The following MYRIP variants were observed in gnomAD, a reference collection of about 807,000 sequenced individuals.
The protein encoded by MYRIP is myosin VIIA and Rab interacting protein.
In MYRIP, 49 loss-of-function variants were observed where a neutral mutation model predicts 98.0. That is an observed-to-expected ratio of 0.50 (90% CI 0.40 to 0.63). The LOEUF (loss-of-function observed/expected upper bound fraction) is 0.63. Among genes scored for constraint, MYRIP ranks in the 30% least tolerant of loss-of-function variants. The pLI, the probability that MYRIP is intolerant of heterozygous loss-of-function variation, is 0.00. For missense variants in MYRIP, 1,004 were observed against 1,058.2 expected, an observed-to-expected ratio of 0.95 and a Z score of 0.71; for synonymous variants, 404 against 409.5, an observed-to-expected ratio of 0.99 and a Z score of 0.16.
intron 1 of MYRIP, among the ~76,000 whole-genome samples, chr3:39,852,762 C>CCTCTT (rs112770284): frequency 2.6e-5 from 4 of 151,928 alleles, no homozygotes; most frequent in Middle Eastern, 3.4e-3. Context: ...CTTCTGTTCT[C>CCTCTT]CTCTTCTCTT....
rs146140750 is a variant in MYRIP, at chr3:39,958,203, A to G, written c.110+57277A>G. On this transcript the variant is annotated intron_variant, in intron 2 of 16. Coordinates refer to ENST00000302541, the MANE Select transcript of MYRIP (RefSeq NM_015460.4). ...CTTTAAAGTTCATACGGAACCAAAA[A>G]AGAACCCGCATTGCCAAGTCAATCC... 9.7e-4 allele frequency among the ~76,000 whole-genome samples: 148 copies of G among 152,320 alleles called. No homozygotes were observed. In the East Asian group the frequency reaches 0.027, roughly 28 times the overall value.
chr3:40,033,433 AAC>A (rs1328316498), intron 2 of MYRIP, among the ~76,000 whole-genome samples: 3 of 152,080 alleles, frequency 2.0e-5, no homozygotes, highest in African/African-American at 4.8e-5. Context: ...ATAACAGACA[AAC>A]AGAGACCCAA....
At chr3:39,877,170 C>T (rs955297711) in intron 1 of MYRIP, among the ~76,000 whole-genome samples, 12 of 152,168 alleles carry the variant, frequency 7.9e-5, no homozygotes, top group South Asian at 6.2e-4. Context: ...ACATAGTTCT[C>T]GAGCCTTGGT....
intron 2 of MYRIP, among the ~76,000 whole-genome samples, chr3:39,919,723 T>TGAGAGA (rs1461895990): frequency 1.4e-5 from 2 of 146,710 alleles, no homozygotes; most frequent in Non-Finnish European, 1.5e-5. Flanking sequence ...TGTGTGTGTG[T>TGAGAGA]GTGTGAGAGA....
rs542459654 is a variant in MYRIP, at chr3:39,932,141, G to A, written c.110+31215G>A. ...TCATTAGCCCTCCACTGAAAGCCAGGCATTCCAGAAGAGTGTATCACAAGA... is the reference window on the plus strand; with the variant it reads ...TCATTAGCCCTCCACTGAAAGCCAGACATTCCAGAAGAGTGTATCACAAGA... On this transcript the variant is annotated intron_variant, in intron 2 of 16. Transcript: ENST00000302541. 1.6e-4 allele frequency among the ~76,000 whole-genome samples: 25 copies of A among 152,268 alleles called. No homozygotes were observed. In the East Asian group the frequency reaches 4.2e-3, roughly 26 times the overall value.
rs534852258 is a variant in MYRIP at position 39,976,392 on chromosome 3, A to G, written c.111-67658A>G. 1.5e-3 allele frequency among the ~76,000 whole-genome samples: 226 copies of G among 152,336 alleles called. 1 individual carries two copies. The highest frequency in any genetic ancestry group is 5.3e-3 in the African/African-American group (220 of 41,578). ...ATGGCGATCATTAAAGAGTCAGGAA[A>G]CAACAGGTGCTGGAGAGGATATGGA... On this transcript the variant is annotated intron_variant, in intron 2 of 16. Transcript: ENST00000302541.
At chr3:39,971,695 A>G (rs1304765451) in intron 2 of MYRIP, among the ~76,000 whole-genome samples, 4 of 152,054 alleles carry the variant, frequency 2.6e-5, no homozygotes, top group Non-Finnish European at 5.9e-5. Flanking sequence ...TCACCTCATT[A>G]TTCAGCCTTG....
In MYRIP at chr3:40,204,240, T is replaced by A. The variant is rs1309078411; in HGVS notation, c.1666-5614T>A. Among the ~76,000 whole-genome samples, 25 of 81,358 alleles carry A rather than the reference T, an allele frequency of 3.1e-4. 1 individual carries two copies. Among genetic ancestry groups the A allele is most frequent in the South Asian group, 1.8e-3 (5 of 2,764 alleles). 53.4% of individuals were successfully genotyped at this position (81,358 alleles called of 152,430 possible). A position where few individuals can be genotyped will look rare whatever the true frequency, so the allele number is the denominator to read the frequency against. ...TTATATATAAATATATATATATTTT[T>A]TTTTTTTGAGACAGAGTCTCACTCT... On this transcript the variant is annotated intron_variant, in intron 10 of 16. Coordinates refer to ENST00000302541, the MANE Select transcript of MYRIP (RefSeq NM_015460.4).
intron 3 of MYRIP, among the ~76,000 whole-genome samples, chr3:40,084,061 C>CGGGAGGCGGAACTTGCA (rs764960544): frequency 2.2e-4 from 32 of 143,096 alleles, no homozygotes; most frequent in Admixed American, 6.4e-4. Context: ...GGCGTGAACC[C>CGGGAGGCGGAACTTGCA]GGGAGGCGGA....
At chr3:39,836,978 T>A (rs182796807) in intron 1 of MYRIP, among the ~76,000 whole-genome samples, 61 of 152,322 alleles carry the variant, frequency 4.0e-4, no homozygotes, top group Non-Finnish European at 7.1e-4. Flanking sequence ...GACTCTGTTG[T>A]CCCTAGCATT....
At chr3:40,102,902 G>A (rs1419070418) in intron 3 of MYRIP, among the ~76,000 whole-genome samples, 1 of 151,872 alleles carries the variant, frequency 6.6e-6, no homozygotes, top group Non-Finnish European at 1.5e-5. Flanking sequence ...AGTTTTACAA[G>A]ACAGTACTAA....
intron 3 of MYRIP, among the ~76,000 whole-genome samples, chr3:40,143,190 A>G (rs1949943240): frequency 6.6e-6 from 1 of 152,222 alleles, no homozygotes. Flanking sequence ...GTGGGCCCTC[A>G]ATACATAGTG....
chr3:39,882,869 G>A (rs184777799), intron 1 of MYRIP, among the ~76,000 whole-genome samples: 9 of 151,696 alleles, frequency 5.9e-5, no homozygotes, highest in Admixed American at 3.9e-4. Context: ...CCCCCCCTCC[G>A]CATTAATATA....
chr3:39,978,531 AAAT>A (rs1003846241), intron 2 of MYRIP, among the ~76,000 whole-genome samples: 7 of 152,298 alleles, frequency 4.6e-5, no homozygotes, highest in African/African-American at 1.4e-4. Context: ...CACATTGTAA[AAAT>A]AATTGTGGAC....
intron 1 of MYRIP, among the ~76,000 whole-genome samples, chr3:39,874,249 A>G (rs936498090): frequency 5.3e-5 from 8 of 152,100 alleles, no homozygotes; most frequent in South Asian, 2.1e-4. Context: ...GGCTGAGACA[A>G]TGGGGTTTTC....
At chr3:39,992,976 G>A (rs1449276582) in intron 2 of MYRIP, among the ~76,000 whole-genome samples, 4 of 152,062 alleles carry the variant, frequency 2.6e-5, no homozygotes, top group South Asian at 4.2e-4. Context: ...TGGTCCATCA[G>A]GATATTTGTT....
chr3:39,952,033 C>G (rs7652559), intron 2 of MYRIP, among the ~76,000 whole-genome samples: 28,904 of 152,006 alleles, frequency 0.19, 3,991 homozygotes, highest in African/African-American at 0.39. Context: ...TCAAAAGTTC[C>G]CTTTGGACCA....
At chr3:40,028,395 T>C (rs373784886) in intron 2 of MYRIP, among the ~76,000 whole-genome samples, 3 of 152,262 alleles carry the variant, frequency 2.0e-5, no homozygotes, top group African/African-American at 7.2e-5. Flanking sequence ...AACAAATAAG[T>C]CTTGAGCATT....
At chr3:40,213,165 G>T (rs957994845) in intron 11 of MYRIP, among the ~76,000 whole-genome samples, 4 of 152,162 alleles carry the variant, frequency 2.6e-5, no homozygotes, top group African/African-American at 9.7e-5. Flanking sequence ...CTTACAGCCT[G>T]TCAACAGGCT....
Sources: gnomAD v4.1 joint callset for allele counts (sites outside exome capture counted in the v4.1 genomes callset) on GRCh38, gnomAD v4.1.1 for gene constraint, MANE v1.5 for transcripts, NCBI Gene and HGNC (gene_info 2026-07-23, HGNC 2026-07-21) for gene names.